The following CARS2 variants were observed in gnomAD, a reference collection of about 807,000 sequenced individuals.
CARS2 encodes probable cysteine--tRNA ligase, mitochondrial.
CARS2 carries 52 observed loss-of-function variants against 68.8 expected under a neutral mutation model. The ratio of observed to expected loss-of-function variants is 0.76; its 90% CI spans 0.61 to 0.95. The LOEUF (loss-of-function observed/expected upper bound fraction) is 0.95, where lower values mean the gene tolerates loss of function less well. Among genes scored for constraint, CARS2 ranks in the 40% least tolerant of loss-of-function variants. CARS2 has a pLI of 0.00. For missense variants in CARS2, 780 were observed against 754.2 expected (o/e 1.03, Z -0.40); for synonymous variants, 314 against 303.6 (o/e 1.03, Z -0.36).
Position 110,705,315 on chromosome 13 carries a change from C to T in CARS2, c.275+206G>A, listed in dbSNP as rs1312656719. 1.3e-5 allele frequency among the ~76,000 whole-genome samples: 2 copies of T among 152,342 alleles called. No homozygotes were observed. The highest frequency in any genetic ancestry group is 1.3e-4 in the Admixed American group (2 of 15,304). On this transcript the variant is annotated intron_variant, in intron 2 of 14. Transcript: ENST00000257347. The surrounding 1 kb of genome is among the most constrained non-coding windows in gnomAD (Gnocchi z 4.0). ...CATTTTTCAGTGCTCCATTGTCTCC[C>T]TGAGTTTCCTCACCTGTAAAACGGG...
rs200515246 is a variant in CARS2, at chr13:110,667,389, G to A, written c.870C>T (p.Cys290=). ...FPHHENEIAQ[C]EVFHQCEQWG... ...ACTGCTCGCACTGATGAAAGACTTC[G>A]CACTGTGCAATTTCGTTTTCATGAT... Residue 290 remains cysteine (C), a synonymous_variant, in exon 8 of 15, where the codon TGC becomes TGT. Coordinates refer to ENST00000257347, the MANE Select transcript of CARS2 (RefSeq NM_024537.4). The A allele has an allele frequency of 2.9e-5, 47 of 1,613,444 alleles. No homozygotes were observed. In the East Asian group the frequency reaches 8.0e-4, roughly 28 times the overall value.
Position 110,706,038 on chromosome 13 carries a change from A to T in CARS2, c.56T>A (p.Leu19Gln). The stretch of plus-strand genomic sequence containing the variant: ...GTGCCACCCAGCCCGCCCAAGGCCC[A>T]GCGCGGCCTGGAGCAGCGGGGGGCC... ...GLGPPLLQAA[L>Q]GLGRAGWHWP... is the part of the protein sequence containing the mutation. Residue 19 changes from leucine to glutamine, a missense_variant, in exon 1 of 15, where the codon CTG becomes CAG. Leu to Gln is a moderately radical substitution (Grantham distance 113). Coordinates refer to ENST00000257347, the MANE Select transcript of CARS2 (RefSeq NM_024537.4). 2 of 1,378,378 alleles carry T rather than the reference A, an allele frequency of 1.5e-6. No homozygotes were observed. The highest frequency in any genetic ancestry group is 1.9e-6 in the Non-Finnish European group (2 of 1,068,678). The allele number at this position is 1,378,378 out of a possible 1,614,324, so 85.4% of individuals were successfully genotyped here. A position where few individuals can be genotyped will look rare whatever the true frequency, so the allele number is the denominator to read the frequency against.
chr13:110,646,086 A>G lies in CARS2; in HGVS notation c.1198T>C (p.Ser400Pro). The stretch of plus-strand genomic sequence containing the variant: ...GCCTTCACGGCCCTCTTGGTGCTGG[A>G]GAGCCTGAGGGAAGAGGAGAGAACA... ...VREAMLWERL[S>P]STKRAVKAAL... Residue 400 changes from serine to proline, a missense_variant, in exon 12 of 15, where the codon TCC becomes CCC. Ser to Pro is a moderately conservative substitution (Grantham distance 74). Coordinates refer to ENST00000257347, the MANE Select transcript of CARS2 (RefSeq NM_024537.4). The G allele has an allele frequency of 1.9e-6, 3 of 1,613,274 alleles. No homozygotes were observed. Among genetic ancestry groups the G allele is most frequent in the Non-Finnish European group, 2.5e-6 (3 of 1,179,748 alleles).
At chr13:110,687,367 T>C (rs1196733170) in intron 5 of CARS2, among the ~76,000 whole-genome samples, 1 of 152,158 alleles carries the variant, frequency 6.6e-6, no homozygotes, top group Non-Finnish European at 1.5e-5. Flanking sequence ...CAGTAATGTT[T>C]TAGTTTTAAG....
chr13:110,712,686 C>T (rs1437892160), intron 1 of CARS2: 1 of 668,792 alleles, frequency 1.5e-6, no homozygotes, highest in Admixed American at 2.1e-5. Flanking sequence ...GGACGCCGGC[C>T]GACCGGGTGT....
intron 7 of CARS2, among the ~76,000 whole-genome samples, chr13:110,674,650 A>G (rs547910149): frequency 1.1e-4 from 16 of 152,340 alleles, no homozygotes; most frequent in Non-Finnish European, 2.1e-4. Flanking sequence ...AGGCATGGGC[A>G]AGGACTTCAT....
chr13:110,694,364 G>A (rs1328336657), intron 3 of CARS2, among the ~76,000 whole-genome samples: 3 of 151,326 alleles, frequency 2.0e-5, no homozygotes, highest in African/African-American at 7.3e-5. Context: ...CTGGCTGGCC[G>A]TGGTAGCTCA....
chr13:110,680,162 G>C (rs951328699), intron 6 of CARS2, among the ~76,000 whole-genome samples: 13 of 58,306 alleles, frequency 2.2e-4, no homozygotes, highest in Non-Finnish European at 1.1e-4. Flanking sequence ...GGGGGGGGGG[G>C]GGGTGGATCA....
intron 1 of CARS2, chr13:110,712,879 CTG>C (rs1388343013): frequency 1.4e-6 from 2 of 1,389,836 alleles, no homozygotes; most frequent in Admixed American, 3.9e-5. Context: ...CCGTTCCAAA[CTG>C]AGTACCGGGA....
At chr13:110,684,875 T>C (rs2063254440) in intron 5 of CARS2, among the ~76,000 whole-genome samples, 1 of 152,188 alleles carries the variant, frequency 6.6e-6, no homozygotes, top group East Asian at 1.9e-4. Context: ...AAGATCAAAT[T>C]ACAACCAAGC....
At chr13:110,690,520 G>C (rs886524562) in intron 3 of CARS2, among the ~76,000 whole-genome samples, 2 of 152,120 alleles carry the variant, frequency 1.3e-5, no homozygotes, top group African/African-American at 4.8e-5. Context: ...CATCATGCTG[G>C]ACACACTGAG....
At chr13:110,712,763 G>A in intron 1 of CARS2, 1 of 706,486 alleles carries the variant, frequency 1.4e-6, no homozygotes, top group Non-Finnish European at 2.6e-6. Flanking sequence ...CATGACACAG[G>A]GCGGGAAGAG....
In CARS2 at chr13:110,705,704, CTCAATT is replaced by C. The variant is rs1288979425; in HGVS notation, c.225-139_225-134del. On this transcript the variant is annotated intron_variant, in intron 1 of 14. Coordinates refer to ENST00000257347, the MANE Select transcript of CARS2 (RefSeq NM_024537.4). The surrounding 1 kb of genome is among the most constrained non-coding windows in gnomAD (Gnocchi z 4.0). ...TGAATAGCCGGGGTTTTCATACTTGCTCAATTCACACCCAAACCTGCAAAAGCACCG... is the reference window on the plus strand; with the variant it reads ...TGAATAGCCGGGGTTTTCATACTTGCCACACCCAAACCTGCAAAAGCACCG... 1.3e-6 allele frequency: 2 copies of C among 1,512,222 alleles called. No homozygotes were observed. Among genetic ancestry groups the C allele is most frequent in the African/African-American group, 2.8e-5 (2 of 72,342 alleles). 93.7% of individuals were successfully genotyped at this position (1,512,222 alleles called of 1,614,324 possible).
In CARS2 at chr13:110,653,365, A is replaced by G. The variant is rs567834307; in HGVS notation, c.988-2265T>C. ...TTACTCCTGGGTCCTCTAATTCGCA[A>G]CTCGCAGGCTTACTTGACACCCTCC... On this transcript the variant is annotated intron_variant, in intron 9 of 14. Transcript: ENST00000257347. This position sits in a 1 kb window ranked among gnomAD's most constrained non-coding sequence, Gnocchi z 5.6. 1.3e-5 allele frequency among the ~76,000 whole-genome samples: 2 copies of G among 151,742 alleles called. No individual in the cohort carries two copies. The highest frequency in any genetic ancestry group is 2.1e-4 in the South Asian group (1 of 4,810).
intron 14 of CARS2, 46 bp downstream of exon 14, chr13:110,642,269 T>C: frequency 2.0e-6 from 3 of 1,472,982 alleles, no homozygotes; most frequent in Non-Finnish European, 2.8e-6. Context: ...CCTGTTGACC[T>C]ACCCGGCTCC....
chr13:110,677,893 C>G (rs1411625957), intron 6 of CARS2: 1 of 152,858 alleles, frequency 6.5e-6, no homozygotes, highest in Non-Finnish European at 1.5e-5. Flanking sequence ...AGTCACCCCC[C>G]ACCACAGAAA....
chr13:110,675,023 C>G (rs145114719), intron 7 of CARS2, among the ~76,000 whole-genome samples: 4,971 of 96,878 alleles, frequency 0.051, 295 homozygotes, highest in African/African-American at 0.17. Context: ...CATCTCACAC[C>G]AGTTTGAATG....
chr13:110,646,323 TAA>T (rs1480135310), intron 11 of CARS2: 1 of 456,760 alleles, frequency 2.2e-6, no homozygotes, highest in African/African-American at 2.0e-5. Context: ...CTGTGACACT[TAA>T]AATACAAGAC....
chr13:110,689,068 A>G (rs529052444), intron 3 of CARS2, among the ~76,000 whole-genome samples: 2 of 152,370 alleles, frequency 1.3e-5, no homozygotes, highest in Admixed American at 1.3e-4. Context: ...ATCAATTCCA[A>G]ATGTGGGGGC....
Sources: gnomAD v4.1 joint callset for allele counts (sites outside exome capture counted in the v4.1 genomes callset) on GRCh38, gnomAD v4.1.1 for gene constraint, Gnocchi (gnomAD v3.1) non-coding constraint, MANE v1.5 for transcripts, NCBI Gene and HGNC (gene_info 2026-07-23, HGNC 2026-07-21) for gene names.